IPCEF1: variants seen among roughly 807,000 people sequenced by gnomAD.
IPCEF1 encodes the protein interactor protein for cytohesin exchange factors 1.
IPCEF1 carries 31 observed loss-of-function variants against 50.9 expected under a neutral mutation model. The observed-to-expected ratio is 0.61, with a 90% CI of 0.46 to 0.82. IPCEF1 has a LOEUF of 0.82. Ranked by LOEUF, IPCEF1 falls within the 40% of genes least tolerant of loss-of-function variation. IPCEF1 has a pLI of 0.00. For missense variants in IPCEF1, 458 were observed against 514.0 expected (o/e 0.89, Z 1.05); for synonymous variants, 181 against 192.0 (o/e 0.94, Z 0.47).
chr6:154,304,249 T>C (rs1039071630), intron 1 of IPCEF1, among the ~76,000 whole-genome samples: 3 of 151,914 alleles, frequency 2.0e-5, no homozygotes, highest in African/African-American at 7.2e-5. Context: ...TAAAAAATAA[T>C]AATAAATAAA....
rs568646592 is a variant in IPCEF1 at position 154,169,695 on chromosome 6, C to T, written c.911-1582G>A. On this transcript the variant is annotated intron_variant, in intron 10 of 11. Transcript: ENST00000367220. The stretch of plus-strand genomic sequence containing the variant: ...CTTCCTAACCACACTTTGCCAGCCT[C>T]GGCCCACATGATTGCAGTGAAGCCA... Among the ~76,000 whole-genome samples the T allele has an allele frequency of 2.0e-5, 3 of 152,292 alleles. No individual in the cohort carries two copies. The East Asian group carries it at 5.8e-4, about 29-fold the overall frequency.
intron 1 of IPCEF1, among the ~76,000 whole-genome samples, chr6:154,318,611 G>A (rs1414873075): frequency 6.6e-6 from 1 of 151,430 alleles, no homozygotes; most frequent in Non-Finnish European, 1.5e-5. Flanking sequence ...CAGCACTTTG[G>A]GAGGCCAAGG....
chr6:154,198,971 C>G, intron 10 of IPCEF1, among the ~76,000 whole-genome samples: 1 of 152,162 alleles, frequency 6.6e-6, no homozygotes, highest in Non-Finnish European at 1.5e-5. Flanking sequence ...AGAAAAGATA[C>G]GTCACGATTG....
At chr6:154,298,663 T>C (rs777584707) in intron 1 of IPCEF1, among the ~76,000 whole-genome samples, 2 of 152,170 alleles carry the variant, frequency 1.3e-5, no homozygotes, top group African/African-American at 2.4e-5. Context: ...GTAACTCTTA[T>C]ATAGGTTACC....
intron 8 of IPCEF1, 177 bp from the exon 9 acceptor site, chr6:154,213,032 C>T (rs1383855560): frequency 6.9e-6 from 4 of 579,308 alleles, no homozygotes; most frequent in Non-Finnish European, 1.2e-5. Flanking sequence ...GAGGCAGAAA[C>T]AAATGGCCAA....
intron 1 of IPCEF1, among the ~76,000 whole-genome samples, chr6:154,309,353 C>A (rs761149874): frequency 6.6e-6 from 1 of 152,196 alleles, no homozygotes; most frequent in Admixed American, 6.5e-5. Context: ...CTAATGCCAG[C>A]ACACTACCTG....
At chr6:154,293,564 A>G (rs1358734630) in intron 1 of IPCEF1, among the ~76,000 whole-genome samples, 1 of 152,232 alleles carries the variant, frequency 6.6e-6, no homozygotes, top group East Asian at 1.9e-4. Flanking sequence ...ATGTCTGAAT[A>G]ATGAGTGTGA....
chr6:154,206,605 GA>G (rs35147492), intron 9 of IPCEF1, among the ~76,000 whole-genome samples: 110,556 of 151,978 alleles, frequency 0.73, 40,961 homozygotes, highest in East Asian at 0.9. Flanking sequence ...ATAACAACAT[GA>G]AAAAAATCAT....
At chr6:154,228,122 A>G (rs532429100) in intron 5 of IPCEF1, among the ~76,000 whole-genome samples, 1 of 152,132 alleles carries the variant, frequency 6.6e-6, no homozygotes, top group South Asian at 2.1e-4. Context: ...TAACTAAAAT[A>G]ACTTTGTTGA....
chr6:154,246,658 C>T lies in IPCEF1; in HGVS notation c.179G>A (p.Ser60Asn). The T allele has an allele frequency of 6.2e-7, 1 of 1,614,094 alleles. No individual in the cohort carries two copies. Among genetic ancestry groups the T allele is most frequent in the Non-Finnish European group, 8.5e-7 (1 of 1,179,992 alleles). ...CACCCAGAACTTTTTCCATTTGTTG[C>T]TTAGGAAACTTCCCTTTTCCTTTTT... ...YKKKEKGSFLSNKWKKFWVIL... is the reference protein window; with the variant it reads ...YKKKEKGSFLNNKWKKFWVIL... The change falls in exon 5 of 12, where the codon AGC (serine) becomes AAC (asparagine). Residue 60 changes from serine (S) to asparagine (N), a missense_variant. Ser to Asn is a conservative substitution (Grantham distance 46, BLOSUM62 1). Coordinates refer to ENST00000367220, the MANE Select transcript of IPCEF1 (RefSeq NM_001130700.2).
At position 154,297,649 on chromosome 6, in the gene IPCEF1, A is replaced by G. The variant is rs560861047; in HGVS notation, c.-61-7893T>C. On this transcript the variant is annotated intron_variant, in intron 1 of 11. Coordinates refer to ENST00000367220, the MANE Select transcript of IPCEF1 (RefSeq NM_001130700.2). ...ATAGAGGAAAACAAAAATCACCATC[A>G]TCCCCAGGTCCACAGGTACCCACTG... Among the ~76,000 whole-genome samples the G allele has an allele frequency of 9.8e-5, 15 of 152,346 alleles. No homozygotes were observed. In the East Asian group the frequency reaches 2.9e-3, roughly 29 times the overall value.
intron 1 of IPCEF1, among the ~76,000 whole-genome samples, chr6:154,308,512 C>T (rs963305946): frequency 1.3e-5 from 2 of 152,184 alleles, no homozygotes; most frequent in East Asian, 1.9e-4. Flanking sequence ...AGAAGCCAAC[C>T]TTCTTTCCCA....
Position 154,214,211 on chromosome 6 carries a change from A to G in IPCEF1, c.451+7T>C, listed in dbSNP as rs750784150. The G allele has an allele frequency of 1.9e-6, 3 of 1,582,950 alleles. No homozygotes were observed. The highest frequency in any genetic ancestry group is 2.2e-5 in the South Asian group (2 of 90,446). On this transcript the variant is annotated splice_region_variant and intron_variant, in intron 8 of 11. Coordinates refer to ENST00000367220, the MANE Select transcript of IPCEF1 (RefSeq NM_001130700.2). ...CTAAATTTTCAGAAATTTAAAATAGAACATACCTTCATCCTTTGTAGTGGA... is the reference window on the plus strand; with the variant it reads ...CTAAATTTTCAGAAATTTAAAATAGGACATACCTTCATCCTTTGTAGTGGA...
At chr6:154,273,131 G>C (rs1230043542) in intron 2 of IPCEF1, among the ~76,000 whole-genome samples, 2 of 152,158 alleles carry the variant, frequency 1.3e-5, no homozygotes, top group East Asian at 1.9e-4. Flanking sequence ...AAACAGGTCT[G>C]AACTAAAACG....
chr6:154,273,735 T>TC (rs1781965600), intron 2 of IPCEF1, among the ~76,000 whole-genome samples: 1 of 32,030 alleles, frequency 3.1e-5, no homozygotes, highest in Admixed American at 3.1e-4. Flanking sequence ...TTTTTTTTTT[T>TC]TTTTTTTTTT....
chr6:154,197,860 A>G (rs948261430), intron 10 of IPCEF1, among the ~76,000 whole-genome samples: 1 of 152,148 alleles, frequency 6.6e-6, no homozygotes, highest in Non-Finnish European at 1.5e-5. Flanking sequence ...TTTTAGTTCT[A>G]CTTACGACCC....
intron 10 of IPCEF1, among the ~76,000 whole-genome samples, chr6:154,188,366 G>T (rs1801569118): frequency 6.6e-6 from 1 of 152,128 alleles, no homozygotes; most frequent in Non-Finnish European, 1.5e-5. Flanking sequence ...CAAATAAATG[G>T]AGAGAGGTAA....
intron 9 of IPCEF1, among the ~76,000 whole-genome samples, chr6:154,200,906 C>T (rs781284594): frequency 3.9e-5 from 6 of 152,168 alleles, no homozygotes; most frequent in Non-Finnish European, 5.9e-5. Flanking sequence ...CTATCCAAAT[C>T]TCACCTCGAA....
chr6:154,318,978 T>G (rs1029088479), intron 1 of IPCEF1, among the ~76,000 whole-genome samples: 1 of 152,180 alleles, frequency 6.6e-6, no homozygotes, highest in Non-Finnish European at 1.5e-5. Context: ...GTGCTGACTT[T>G]AGAACCTAAT....
Sources: gnomAD v4.1 joint callset for allele counts (sites outside exome capture counted in the v4.1 genomes callset) on GRCh38, gnomAD v4.1.1 for gene constraint, MANE v1.5 for transcripts, NCBI Gene and HGNC (gene_info 2026-07-23, HGNC 2026-07-21) for gene names.